The following IPCEF1 variants were observed in gnomAD, a reference collection of about 807,000 sequenced individuals.
IPCEF1 encodes interactor protein for cytohesin exchange factors 1.
A neutral mutation model predicts 50.9 loss-of-function variants in IPCEF1; 31 were observed. The observed-to-expected ratio is 0.61, with a 90% confidence interval of 0.46 to 0.82. The LOEUF (loss-of-function observed/expected upper bound fraction) is 0.82, where lower values mean the gene tolerates loss of function less well. Ranked by LOEUF, IPCEF1 falls within the 40% of genes least tolerant of loss-of-function variation. The pLI, the probability that IPCEF1 is intolerant of heterozygous loss-of-function variation, is 0.00. For synonymous variants in IPCEF1, 181 were observed against 192.0 expected (o/e 0.94, Z 0.47); for missense variants, 458 against 514.0 (o/e 0.89, Z 1.05).
chr6:154,337,605 G>A (rs767114685), intron 1 of IPCEF1, among the ~76,000 whole-genome samples: 1 of 152,142 alleles, frequency 6.6e-6, no homozygotes, highest in African/African-American at 2.4e-5. Flanking sequence ...TATGAAAAAA[G>A]AGGCACAGCA....
At chr6:154,215,716 C>G (rs1003031701) in intron 7 of IPCEF1, among the ~76,000 whole-genome samples, 3 of 152,126 alleles carry the variant, frequency 2.0e-5, no homozygotes, top group African/African-American at 7.2e-5. Context: ...ACATAATAAT[C>G]ACAAACTCCT....
In IPCEF1 at chr6:154,316,575, T is replaced by A. The variant is rs151133780; in HGVS notation, c.-61-26819A>T. On this transcript the variant is annotated intron_variant, in intron 1 of 11. Coordinates refer to ENST00000367220, the MANE Select transcript of IPCEF1 (RefSeq NM_001130700.2). The stretch of plus-strand genomic sequence containing the variant: ...CATGTGGATTCTAAAGAGATTGAAG[T>A]CATAGATGCAAAGAATAGGATGGTG... Among the ~76,000 whole-genome samples, 665 of 152,312 alleles carry A rather than the reference T, an allele frequency of 4.4e-3. 5 individuals carry two copies. The highest frequency in any genetic ancestry group is 0.014 in the African/African-American group (587 of 41,570).
At chr6:154,209,010 T>A (rs1211812565) in intron 9 of IPCEF1, among the ~76,000 whole-genome samples, 2 of 152,330 alleles carry the variant, frequency 1.3e-5, no homozygotes, top group East Asian at 3.9e-4. Context: ...AACCTCTTCT[T>A]CACTGAAGGA....
At chr6:154,214,505 T>C (rs1490692173) in intron 7 of IPCEF1, among the ~76,000 whole-genome samples, 1 of 152,242 alleles carries the variant, frequency 6.6e-6, no homozygotes, top group Non-Finnish European at 1.5e-5. Flanking sequence ...CATTACTCAG[T>C]TGGTTCATGA....
At chr6:154,170,587 A>G (rs1408547712) in intron 10 of IPCEF1, among the ~76,000 whole-genome samples, 3 of 152,356 alleles carry the variant, frequency 2.0e-5, no homozygotes, top group East Asian at 3.9e-4. Context: ...CCGTCTCACA[A>G]AAGGGAAGAA....
At chr6:154,244,263 A>G (rs1032286223) in intron 5 of IPCEF1, among the ~76,000 whole-genome samples, 5 of 151,472 alleles carry the variant, frequency 3.3e-5, no homozygotes, top group African/African-American at 1.2e-4. Context: ...TTTCCCTCAC[A>G]GTAAACATAT....
At chr6:154,310,991 T>C (rs986736960) in intron 1 of IPCEF1, among the ~76,000 whole-genome samples, 1 of 151,968 alleles carries the variant, frequency 6.6e-6, no homozygotes, top group Non-Finnish European at 1.5e-5. Context: ...TGCAGAATTG[T>C]TAAAAGAATT....
chr6:154,243,718 C>T (rs1467188088), intron 5 of IPCEF1, among the ~76,000 whole-genome samples: 2 of 152,090 alleles, frequency 1.3e-5, no homozygotes, highest in African/African-American at 2.4e-5. Flanking sequence ...GAGAGGGAGT[C>T]GGATTGGCAT....
intron 1 of IPCEF1, among the ~76,000 whole-genome samples, chr6:154,337,590 G>A (rs1156558571): frequency 6.6e-6 from 1 of 152,074 alleles, no homozygotes; most frequent in African/African-American, 2.4e-5. Context: ...ATGTATGTGA[G>A]TTATTATGAA....
rs557865780 is a variant in IPCEF1 at position 154,183,535 on chromosome 6, G to C, written c.911-15422C>G. On this transcript the variant is annotated intron_variant, in intron 10 of 11. Coordinates refer to ENST00000367220, the MANE Select transcript of IPCEF1 (RefSeq NM_001130700.2). ...ATTACCTGAATGATAGTGCCAAGGA[G>C]AGGTGCGCTCTATAGAATACCAAAG... is the stretch of plus-strand genomic sequence containing the variant. Among the ~76,000 whole-genome samples, 9 of 152,322 alleles carry C rather than the reference G, an allele frequency of 5.9e-5. No homozygotes were observed. The East Asian group carries it at 1.7e-3, about 29-fold the overall frequency.
At chr6:154,192,527 A>G (rs1392324330) in intron 10 of IPCEF1, among the ~76,000 whole-genome samples, 1 of 152,222 alleles carries the variant, frequency 6.6e-6, no homozygotes, top group Non-Finnish European at 1.5e-5. Context: ...TAATTAAACC[A>G]AAAAGCTTCT....
At chr6:154,294,688 C>T (rs931943651) in intron 1 of IPCEF1, among the ~76,000 whole-genome samples, 1 of 152,038 alleles carries the variant, frequency 6.6e-6, no homozygotes, top group African/African-American at 2.4e-5. Flanking sequence ...GCTGAGAGTC[C>T]CTGTTTCCCT....
At chr6:154,252,146 G>C (rs1364729202) in intron 3 of IPCEF1, among the ~76,000 whole-genome samples, 2 of 152,178 alleles carry the variant, frequency 1.3e-5, no homozygotes, top group African/African-American at 4.8e-5. Context: ...GAAGTCTCAT[G>C]TTTTGGTCAG....
In IPCEF1 at chr6:154,289,814, G is replaced by C. The variant is rs1223655006; in HGVS notation, c.-61-58C>G. 2.0e-5 allele frequency: 3 copies of C among 149,144 alleles called. No homozygotes were observed. In the East Asian group the frequency reaches 5.9e-4, roughly 29 times the overall value. The allele number at this position is 149,144 out of a possible 1,614,324, so 9.2% of individuals were successfully genotyped here. A position where few individuals can be genotyped will look rare whatever the true frequency, so the allele number is the denominator to read the frequency against. On this transcript the variant is annotated intron_variant, in intron 1 of 11. Transcript: ENST00000367220. Reference sequence around the variant, plus strand: ...GAGAGGAAAAAAAAGTGAGTCATGAGATTTCTGCCTGGACTCAATCACCTG... The same window carrying C: ...GAGAGGAAAAAAAAGTGAGTCATGACATTTCTGCCTGGACTCAATCACCTG...
At chr6:154,332,921 G>T (rs1213514730) in intron 1 of IPCEF1, among the ~76,000 whole-genome samples, 1 of 152,174 alleles carries the variant, frequency 6.6e-6, no homozygotes, top group African/African-American at 2.4e-5. Flanking sequence ...CTTGAAGCAG[G>T]CCTGATGGAA....
chr6:154,323,983 A>G (rs1357705691), intron 1 of IPCEF1, among the ~76,000 whole-genome samples: 1 of 152,224 alleles, frequency 6.6e-6, no homozygotes, highest in East Asian at 1.9e-4. Flanking sequence ...GAGGGAAGGT[A>G]CAGAAGAAAC....
chr6:154,284,994 C>T (rs1391784480), intron 2 of IPCEF1, among the ~76,000 whole-genome samples: 5 of 151,250 alleles, frequency 3.3e-5, no homozygotes, highest in South Asian at 2.1e-4. Flanking sequence ...AGTGAGACTC[C>T]GACTCAAAAA....
chr6:154,212,278 T>C (rs973028871), intron 9 of IPCEF1, among the ~76,000 whole-genome samples: 3 of 152,336 alleles, frequency 2.0e-5, no homozygotes, highest in Non-Finnish European at 4.4e-5. Flanking sequence ...AATTCCTCTC[T>C]AGTGAATACA....
chr6:154,188,181 A>G (rs984105200), intron 10 of IPCEF1, among the ~76,000 whole-genome samples: 11 of 152,262 alleles, frequency 7.2e-5, no homozygotes, highest in Non-Finnish European at 1.2e-4. Flanking sequence ...AATGCATTTT[A>G]AAAACTAATT....
Sources: gnomAD v4.1 joint callset for allele counts (sites outside exome capture counted in the v4.1 genomes callset) on GRCh38, gnomAD v4.1.1 for gene constraint, MANE v1.5 for transcripts, NCBI Gene and HGNC (gene_info 2026-07-23, HGNC 2026-07-21) for gene names.